Variants in ARHGAP32 observed in about 807,000 individuals in gnomAD.
ARHGAP32 encodes rho GTPase-activating protein 32.
A neutral mutation model predicts 186.5 loss-of-function variants in ARHGAP32; 51 were observed. That is an observed-to-expected ratio of 0.27 (90% CI 0.22 to 0.35). ARHGAP32 has a LOEUF of 0.35. Among genes scored for constraint, ARHGAP32 ranks in the 10% least tolerant of loss-of-function variants. The pLI is 1.00. For missense variants in ARHGAP32, 2,186 were observed against 2,623.5 expected, an observed-to-expected ratio of 0.83 and a Z score of 3.64; for synonymous variants, 950 against 964.3, an observed-to-expected ratio of 0.99 and a Z score of 0.27.
At chr11:129,167,065 A>G (rs1943655510) in intron 1 of ARHGAP32, among the ~76,000 whole-genome samples, 1 of 152,186 alleles carries the variant, frequency 6.6e-6, no homozygotes, top group Non-Finnish European at 1.5e-5. Flanking sequence ...AAGCTGATAG[A>G]GGAAAAGATT....
chr11:129,089,152 A>G lies in ARHGAP32; in HGVS notation c.531+4469T>C, dbSNP rs1279077231. On this transcript the variant is annotated intron_variant, in intron 6 of 22. Transcript: ENST00000682385. ...ATATGTAGGATCAGATTTCTATGATAAGAATTTGTTCTTCTTTCACTCATT... is the reference window on the plus strand; with the variant it reads ...ATATGTAGGATCAGATTTCTATGATGAGAATTTGTTCTTCTTTCACTCATT... Among the ~76,000 whole-genome samples, 4 of 152,206 alleles carry G rather than the reference A, an allele frequency of 2.6e-5. No homozygotes were observed. In the East Asian group the frequency reaches 7.7e-4, roughly 29 times the overall value.
At chr11:129,143,088 T>TATATATATATATATATAA (rs886102587) in intron 2 of ARHGAP32, among the ~76,000 whole-genome samples, 20 of 149,076 alleles carry the variant, frequency 1.3e-4, no homozygotes, top group African/African-American at 4.7e-4. Context: ...TATATATATA[T>TATATATATATATATATAA]AATCAACTGA....
chr11:128,979,007 A>G, intron 18 of ARHGAP32, 92 bp from the exon 19 acceptor site: 2 of 1,178,390 alleles, frequency 1.7e-6, no homozygotes, highest in Non-Finnish European at 2.4e-6. Flanking sequence ...AAAGAACCAA[A>G]CAGGCTGGAG....
chr11:129,051,937 C>T (rs1444835728), intron 10 of ARHGAP32, among the ~76,000 whole-genome samples: 1 of 104,980 alleles, frequency 9.5e-6, no homozygotes, highest in African/African-American at 3.8e-5. Flanking sequence ...CCTGGTGACA[C>T]AGCAAGATTC....
At chr11:129,263,575 AAGGAGGAAGAGGAGGAGAAGG>A (rs1484240448) in intron 1 of ARHGAP32, among the ~76,000 whole-genome samples, 2 of 139,474 alleles carry the variant, frequency 1.4e-5, no homozygotes, top group Admixed American at 7.1e-5. Context: ...GGAGGAGGAG[AAGGAGGAAGAGGAGGAGAAGG>A]AGGAGGAAAA....
intron 1 of ARHGAP32, among the ~76,000 whole-genome samples, chr11:129,168,668 A>T (rs951594894): frequency 1.3e-5 from 2 of 152,230 alleles, no homozygotes; most frequent in African/African-American, 4.8e-5. Context: ...ATGTGAACTA[A>T]CACAGAACAC....
At chr11:129,063,772 T>C in intron 9 of ARHGAP32, 130 bp downstream of exon 9, 1 of 1,060,968 alleles carries the variant, frequency 9.4e-7, no homozygotes, top group Non-Finnish European at 1.3e-6. Flanking sequence ...CAGGCTGAAA[T>C]ATAAAAGACT....
chr11:129,086,560 G>T (rs1014970284), intron 6 of ARHGAP32, among the ~76,000 whole-genome samples: 3 of 152,062 alleles, frequency 2.0e-5, no homozygotes, highest in Non-Finnish European at 4.4e-5. Context: ...GGTGGCTCAC[G>T]CCTGTAATCC....
chr11:129,249,332 C>T (rs1945147870), intron 1 of ARHGAP32, among the ~76,000 whole-genome samples: 2 of 151,696 alleles, frequency 1.3e-5, no homozygotes, highest in African/African-American at 2.4e-5. Flanking sequence ...TATATATATA[C>T]ACACACACAT....
chr11:129,260,330 AAC>A lies in ARHGAP32; in HGVS notation c.-5+18814_-5+18815del, dbSNP rs1271343938. ...TTATCATAATTATCATACCTCTGATAACATTGTTTTGAAAGCTTTTGTTGACT... is the reference window on the plus strand; with the variant it reads ...TTATCATAATTATCATACCTCTGATAATTGTTTTGAAAGCTTTTGTTGACT... On this transcript the variant is annotated intron_variant, in intron 1 of 6. Transcript: ENST00000525234. Among the ~76,000 whole-genome samples the A allele has an allele frequency of 2.0e-5, 3 of 152,190 alleles. 1 individual carries two copies. The highest frequency in any genetic ancestry group is 2.0e-4 in the Admixed American group (3 of 15,276).
chr11:129,050,814 C>T (rs1299244973), intron 10 of ARHGAP32, among the ~76,000 whole-genome samples: 1 of 152,138 alleles, frequency 6.6e-6, no homozygotes, highest in African/African-American at 2.4e-5. Flanking sequence ...CCACAACAGG[C>T]CCATGTGTGA....
At position 129,123,777 on chromosome 11, in the gene ARHGAP32, G is replaced by T; in HGVS notation, c.359+111C>A. 3 of 937,928 alleles carry T rather than the reference G, an allele frequency of 3.2e-6. No individual in the cohort carries two copies. The highest frequency in any genetic ancestry group is 4.5e-6 in the Non-Finnish European group (3 of 663,216). The allele number at this position is 937,928 out of a possible 1,614,324, so 58.1% of individuals were successfully genotyped here. On this transcript the variant is annotated intron_variant, in intron 4 of 22. Coordinates refer to ENST00000682385, the MANE Select transcript of ARHGAP32 (RefSeq NM_001378024.1). This position sits in a 1 kb window ranked among gnomAD's most constrained non-coding sequence, Gnocchi z 4.6. ...CACCGTTATCTCCTAATTTTGACCC[G>T]AATCAATGTCCATAGAAAAACTGCT... is the stretch of plus-strand genomic sequence containing the variant.
chr11:129,001,995 T>C (rs1339309567), intron 11 of ARHGAP32, among the ~76,000 whole-genome samples: 1 of 152,200 alleles, frequency 6.6e-6, no homozygotes, highest in Non-Finnish European at 1.5e-5. Context: ...CATGCTGTTT[T>C]GGTTATTGTA....
intron 1 of ARHGAP32, among the ~76,000 whole-genome samples, chr11:129,238,797 AATT>A (rs1289905057): frequency 4.5e-5 from 3 of 66,950 alleles, no homozygotes; most frequent in African/African-American, 2.3e-4. Context: ...AACCAAACAT[AATT>A]AAGACTTCTG....
At chr11:129,149,116 C>A (rs1031757422) in intron 2 of ARHGAP32, among the ~76,000 whole-genome samples, 1 of 152,236 alleles carries the variant, frequency 6.6e-6, no homozygotes, top group African/African-American at 2.4e-5. Flanking sequence ...AGGGCAAGCA[C>A]AGATCCCCCT....
At chr11:129,081,938 G>T (rs1288988806) in intron 6 of ARHGAP32, among the ~76,000 whole-genome samples, 1 of 151,990 alleles carries the variant, frequency 6.6e-6, no homozygotes, top group Non-Finnish European at 1.5e-5. Flanking sequence ...CAAATCAACA[G>T]CACTGCTATA....
At chr11:129,266,762 T>C (rs1292392418) in intron 1 of ARHGAP32, among the ~76,000 whole-genome samples, 1 of 152,146 alleles carries the variant, frequency 6.6e-6, no homozygotes, top group East Asian at 1.9e-4. Flanking sequence ...CCTCTAACCA[T>C]ACCCCTGACC....
intron 1 of ARHGAP32, among the ~76,000 whole-genome samples, chr11:129,270,221 G>A (rs1945457315): frequency 6.6e-6 from 1 of 152,086 alleles, no homozygotes; most frequent in Non-Finnish European, 1.5e-5. Context: ...GAAAAGACAG[G>A]GAAGAAACTT....
chr11:129,215,367 A>G (rs935089581), intron 1 of ARHGAP32, among the ~76,000 whole-genome samples: 2 of 152,154 alleles, frequency 1.3e-5, no homozygotes, highest in Non-Finnish European at 2.9e-5. Context: ...ATATGTATTA[A>G]TTTCTGCTTT....
Sources: allele counts gnomAD v4.1 joint callset (sites outside exome capture counted in the v4.1 genomes callset), GRCh38; gene constraint gnomAD v4.1.1; non-coding constraint Gnocchi (gnomAD v3.1); transcripts MANE v1.5; gene names NCBI Gene and HGNC (gene_info 2026-07-23, HGNC 2026-07-21).